Variants in LAS1L observed in about 807,000 individuals in gnomAD.
LAS1L encodes ribosomal biogenesis protein LAS1L.
Under a neutral mutation model 57.3 loss-of-function variants are expected in LAS1L, and 5 were observed. The ratio of observed to expected loss-of-function variants is 0.09; its 90% CI spans 0.05 to 0.18. The LOEUF (loss-of-function observed/expected upper bound fraction) is 0.18, where lower values mean the gene tolerates loss of function less well. Among genes scored for constraint, LAS1L ranks in the 10% least tolerant of loss-of-function variants. LAS1L has a pLI of 1.00. For synonymous variants in LAS1L, 245 were observed against 231.7 expected (o/e 1.06, Z -0.52); for missense variants, 360 against 568.3 (o/e 0.63, Z 3.73).
chrX:65,534,569 G>A lies in LAS1L; in HGVS notation c.147C>T (p.Ala49=). 1 of 1,207,981 alleles carries A rather than the reference G, an allele frequency of 8.3e-7. No homozygotes were observed. The highest frequency in any genetic ancestry group is 1.1e-6 in the Non-Finnish European group (1 of 893,571). Residue 49 remains alanine, a synonymous_variant, in exon 1 of 14, where the codon GCC becomes GCT. Coordinates refer to ENST00000374811, the MANE Select transcript of LAS1L (RefSeq NM_031206.7). ...HGIVVAWLSR[A]EWDQVTVYLF... ...GATAAACCGTCACCTGGTCCCACTCGGCCCTGCTGAGCCAGGCGACCACGA... is the reference window on the plus strand; with the variant it reads ...GATAAACCGTCACCTGGTCCCACTCAGCCCTGCTGAGCCAGGCGACCACGA...
intron 11 of LAS1L, chrX:65,518,974 G>A: frequency 8.0e-6 from 6 of 752,841 alleles, no homozygotes; most frequent in Non-Finnish European, 7.8e-6. Context: ...ATCCCTTTAT[G>A]GGAGCAGCTA....
chrX:65,529,333 C>CA, intron 5 of LAS1L, 75 bp from the exon 6 acceptor site: 1 of 881,176 alleles, frequency 1.1e-6, no homozygotes, highest in Non-Finnish European at 1.6e-6. Flanking sequence ...GAGCCTCTCT[C>CA]ACCTCATTTC....
At chrX:65,530,816 A>C (rs2069444396) in intron 4 of LAS1L, among the ~76,000 whole-genome samples, 1 of 103,946 alleles carries the variant, frequency 9.6e-6, no homozygotes, top group African/African-American at 3.6e-5. Context: ...TCTGTCTCAA[A>C]AAAAAAAAAA....
chrX:65,514,542 AC>A (rs1269501642), intron 13 of LAS1L, among the ~76,000 whole-genome samples: 8 of 107,277 alleles, frequency 7.5e-5, no homozygotes, highest in Non-Finnish European at 1.5e-4. Context: ...CTGCACACAC[AC>A]ACACACACAC....
intron 11 of LAS1L, chrX:65,521,642 G>C (rs1001638667): frequency 8.9e-6 from 1 of 112,194 alleles, no homozygotes; most frequent in Non-Finnish European, 1.9e-5. Context: ...GGAGATGTCT[G>C]ACATGTAGTC....
At chrX:65,520,878 A>G in intron 11 of LAS1L, 1 of 751,062 alleles carries the variant, frequency 1.3e-6, no homozygotes. Flanking sequence ...TGCTCTTGTC[A>G]CTCCCTCCCT....
At chrX:65,521,565 T>G (rs751311009) in intron 11 of LAS1L, 1 of 110,794 alleles carries the variant, frequency 9.0e-6, no homozygotes, top group African/African-American at 3.3e-5. Context: ...CACTTTAGAG[T>G]TGAGATGGGG....
At position 65,529,808 on chromosome X, in the gene LAS1L, C is replaced by T. The variant is rs145897105; in HGVS notation, c.585G>A (p.Glu195=). The T allele has an allele frequency of 2.5e-6, 3 of 1,211,361 alleles. No individual in the cohort carries two copies. Among genetic ancestry groups the T allele is most frequent in the Non-Finnish European group, 2.2e-6 (2 of 895,178 alleles). The change falls in exon 5 of 14, where the codon GAG becomes GAA. Residue 195 remains glutamate (E), a synonymous_variant. Transcript: ENST00000374811. ...CCCTGAACTCCTCCAACTCCCAGGT[C>T]TCTCTCAGGCTGTTCTCCAGTTGGC... The part of the protein sequence containing the change: ...WCRQLENSLR[E]TWELEEFREG...
At chrX:65,519,313 C>G (rs1199862717) in intron 11 of LAS1L, among the ~76,000 whole-genome samples, 1 of 111,989 alleles carries the variant, frequency 8.9e-6, no homozygotes, top group Admixed American at 9.4e-5. Flanking sequence ...TGTGAGGGTT[C>G]ACCTGCCAAT....
intron 6 of LAS1L, among the ~76,000 whole-genome samples, chrX:65,528,795 A>G (rs1166743866): frequency 1.8e-5 from 2 of 112,194 alleles, no homozygotes; most frequent in African/African-American, 6.5e-5. Context: ...CATGGCTTCA[A>G]TTTCTTAATC....
chrX:65,521,654 A>G (rs1260385843), intron 11 of LAS1L: 1 of 111,983 alleles, frequency 8.9e-6, no homozygotes, highest in Admixed American at 9.5e-5. Flanking sequence ...CATGTAGTCG[A>G]GTACAGGAGG....
intron 12 of LAS1L, among the ~76,000 whole-genome samples, chrX:65,516,105 C>A (rs1301289751): frequency 8.9e-6 from 1 of 111,809 alleles, no homozygotes; most frequent in Non-Finnish European, 1.9e-5. Context: ...TCAAAGAATT[C>A]TCCCTGTCAT....
rs1473123463 is a variant in LAS1L, at chrX:65,529,766, C to T, written c.627G>A (p.Glu209=). Residue 209 remains glutamate (E), a synonymous_variant, in exon 5 of 14, where the codon GAG becomes GAA. Coordinates refer to ENST00000374811, the MANE Select transcript of LAS1L (RefSeq NM_031206.7). ...LEEFREGIEE[E]DQEEDKNIVV... ...CAATGTTCTTATCTTCCTCTTGATC[C>T]TCTTCCTCTATCCCTTCCCTGAACT... is the stretch of plus-strand genomic sequence containing the variant. The T allele has an allele frequency of 5.8e-6, 7 of 1,209,979 alleles. No homozygotes were observed. The highest frequency in any genetic ancestry group is 3.5e-5 in the African/African-American group (2 of 57,183).
At chrX:65,515,828 T>C (rs746218300) in intron 12 of LAS1L, among the ~76,000 whole-genome samples, 3 of 111,775 alleles carry the variant, frequency 2.7e-5, no homozygotes, top group African/African-American at 9.8e-5. Context: ...TAAGGAGCAA[T>C]GGCAAAGGAG....
chrX:65,519,745 C>T (rs2068775831), intron 11 of LAS1L, among the ~76,000 whole-genome samples: 1 of 110,827 alleles, frequency 9.0e-6, no homozygotes, highest in African/African-American at 3.3e-5. Flanking sequence ...GGTTCACAGA[C>T]GGGCCATGAG....
intron 13 of LAS1L, among the ~76,000 whole-genome samples, chrX:65,514,135 A>G (rs1256410419): frequency 1.8e-5 from 2 of 112,130 alleles, no homozygotes. Flanking sequence ...TCACAGGATT[A>G]TCTGGTCAGA....
chrX:65,534,650 C>T lies in LAS1L; in HGVS notation c.66G>A (p.Ala22=). The T allele has an allele frequency of 8.4e-7, 1 of 1,193,147 alleles. No individual in the cohort carries two copies. Among genetic ancestry groups the T allele is most frequent in the African/African-American group, 1.7e-5 (1 of 57,243 alleles). Residue 22 remains alanine (A), a synonymous_variant, in exon 1 of 14, where the codon GCG becomes GCA. Coordinates refer to ENST00000374811, the MANE Select transcript of LAS1L (RefSeq NM_031206.7). ...GSQGMDLVWS[A]WYGKCVKGKG... ...TCCCTTTAACGCACTTTCCGTACCA[C>T]GCACTCCACACGAGATCCATCCCCT...
intron 12 of LAS1L, among the ~76,000 whole-genome samples, chrX:65,517,037 G>A (rs1405703189): frequency 6.3e-5 from 7 of 110,329 alleles, no homozygotes; most frequent in Non-Finnish European, 1.1e-4. Flanking sequence ...TGTGTGTTCC[G>A]GCCTCCGAGG....
chrX:65,517,842 C>T (rs1482582949), intron 12 of LAS1L, 145 bp downstream of exon 12: 1 of 1,022,368 alleles, frequency 9.8e-7, no homozygotes, highest in African/African-American at 1.9e-5. Context: ...GAGAAGCCAG[C>T]TGTCATCTAT....
Sources: gnomAD v4.1 joint callset for allele counts (sites outside exome capture counted in the v4.1 genomes callset) on GRCh38, gnomAD v4.1.1 for gene constraint, MANE v1.5 for transcripts, NCBI Gene and HGNC (gene_info 2026-07-23, HGNC 2026-07-21) for gene names.